NBPF20: variants seen among roughly 807,000 people sequenced by gnomAD.
NBPF20 encodes NBPF member 20.
A neutral mutation model predicts 68.1 loss-of-function variants in NBPF20; 90 were observed. That is an observed-to-expected ratio of 1.32 (90% CI 1.11 to 1.58). NBPF20 has a LOEUF of 1.58. Among genes scored for constraint, NBPF20 ranks in the 40% most tolerant of loss-of-function variants. The pLI is 0.00. For missense variants in NBPF20, 816 were observed against 601.2 expected (o/e 1.36, Z -3.74); for synonymous variants, 290 against 228.1 (o/e 1.27, Z -2.45).
At position 145,298,379 on chromosome 1, in the gene NBPF20, C is replaced by T. The variant is rs1359404785; in HGVS notation, c.15684-245G>A. 9.6e-4 allele frequency among the ~76,000 whole-genome samples: 131 copies of T among 135,812 alleles called. 1 individual carries two copies. The highest frequency in any genetic ancestry group is 4.1e-3 in the African/African-American group (117 of 28,280). 89.1% of individuals were successfully genotyped at this position (135,812 alleles called of 152,430 possible). On this transcript the variant is annotated intron_variant, in intron 129 of 137. Coordinates refer to ENST00000369373, the Ensembl canonical transcript of NBPF20. ...ACAGACACACACACACAGACACACA[C>T]ACACACACAGAGAGAGAGAACGAGC...
upstream of NBPF20, among the ~76,000 whole-genome samples, chr1:145,406,170 C>T (rs587691281): frequency 6.7e-6 from 1 of 148,700 alleles, no homozygotes; most frequent in East Asian, 2.0e-4. Context: ...CTCCTGACCT[C>T]GTGATCTGCC....
At chr1:145,409,946 C>G (rs1413058439), upstream of NBPF20, among the ~76,000 whole-genome samples, 6 of 151,922 alleles carry the variant, frequency 3.9e-5, no homozygotes, top group Non-Finnish European at 8.8e-5. Context: ...CCCAGTTCAT[C>G]TGTGTCTCGT....
chr1:145,291,460 T>A, exon 138 of NBPF20: 2 of 1,611,896 alleles, frequency 1.2e-6, no homozygotes, highest in Non-Finnish European at 1.7e-6. Context: ...GTACTTTCAT[T>A]CAAATCTTCA....
upstream of NBPF20, among the ~76,000 whole-genome samples, chr1:145,410,400 C>T (rs1173265838): frequency 6.7e-6 from 1 of 150,052 alleles, no homozygotes; most frequent in African/African-American, 2.4e-5. Context: ...CTGCAAGCTC[C>T]GCCTCCCGGG....
the NBPF20 span, among the ~76,000 whole-genome samples, chr1:145,411,373 T>A: frequency 6.7e-6 from 1 of 150,118 alleles, no homozygotes; most frequent in Non-Finnish European, 1.5e-5. Flanking sequence ...CTTACATAAA[T>A]TTTGTTGACT....
At chr1:145,377,681 T>C (rs1298245813) in intron 29 of NBPF20, among the ~76,000 whole-genome samples, 2 of 130,378 alleles carry the variant, frequency 1.5e-5, no homozygotes, top group African/African-American at 2.8e-5. Context: ...GCTCAGCGAG[T>C]TGGCCGGGTG....
chr1:145,411,410 G>C, the NBPF20 span, among the ~76,000 whole-genome samples: 1 of 22,872 alleles, frequency 4.4e-5, no homozygotes, highest in Non-Finnish European at 9.2e-5. Context: ...TTTTTTTTTT[G>C]AGACAGAGTC....
chr1:145,407,492 A>G (rs1451808276), upstream of NBPF20, among the ~76,000 whole-genome samples: 3 of 146,138 alleles, frequency 2.1e-5, no homozygotes, highest in Admixed American at 2.1e-4. Flanking sequence ...AAACACATGA[A>G]TATATATAAT....
the NBPF20 span, among the ~76,000 whole-genome samples, chr1:145,414,099 C>CA: frequency 2.2e-4 from 24 of 109,890 alleles, no homozygotes; most frequent in African/African-American, 8.4e-4. Context: ...GGTCCCCAAA[C>CA]ATGCCACACC....
chr1:145,410,305 T>C (rs1461399023), upstream of NBPF20, among the ~76,000 whole-genome samples: 2 of 151,792 alleles, frequency 1.3e-5, no homozygotes, highest in African/African-American at 4.8e-5. Flanking sequence ...TAATTGACCA[T>C]TCATGTATCT....
chr1:145,403,613 G>T (rs1553666077), intron 2 of NBPF20, among the ~76,000 whole-genome samples: 1 of 152,208 alleles, frequency 6.6e-6, no homozygotes, highest in Non-Finnish European at 1.5e-5. Flanking sequence ...GACTCTGAAT[G>T]CGGGGCCACT....
At chr1:145,404,702 C>T (rs1440879516) in intron 2 of NBPF20, among the ~76,000 whole-genome samples, 2 of 152,144 alleles carry the variant, frequency 1.3e-5, no homozygotes, top group Non-Finnish European at 2.9e-5. Context: ...GCCTGTTGGG[C>T]CTCAACAGAA....
At chr1:145,393,383 G>C (rs1273797057) in intron 9 of NBPF20, 137 bp from the exon 15 acceptor site, 1 of 713,672 alleles carries the variant, frequency 1.4e-6, no homozygotes, top group Non-Finnish European at 2.6e-6. Context: ...AGAAATTATT[G>C]CCTTTATGTT....
Position 145,292,454 on chromosome 1 carries a change from C to A in NBPF20, c.16624G>T (p.Gly5542Ter), listed in dbSNP as rs782008133. 1.1e-5 allele frequency: 8 copies of A among 715,848 alleles called. No individual in the cohort carries two copies. Among genetic ancestry groups the A allele is most frequent in the South Asian group, 5.8e-5 (4 of 68,954 alleles). 44.3% of individuals were successfully genotyped at this position (715,848 alleles called of 1,614,324 possible). A position where few individuals can be genotyped will look rare whatever the true frequency, so the allele number is the denominator to read the frequency against. Residue 5542 changes from glycine (G) to a stop codon, truncating the protein, a stop_gained, in exon 137 of 138, where the codon GGA (glycine) becomes TGA (stop). Transcript: ENST00000369373. LOFTEE classifies it high-confidence loss of function. ...CTTCTTTTCTTCTTTGATCTTCTTC[C>A]CCTTCTTTTCTTCCCCTTCCCCTTC...
chr1:145,342,784 C>A (rs1184503492), intron 73 of NBPF20, among the ~76,000 whole-genome samples: 1 of 116,446 alleles, frequency 8.6e-6, no homozygotes, highest in African/African-American at 3.6e-5. Flanking sequence ...CACACACACA[C>A]ACACACACAC....
intron 113 of NBPF20, among the ~76,000 whole-genome samples, chr1:145,311,070 G>C (rs1221525180): frequency 2.4e-5 from 2 of 83,452 alleles, no homozygotes; most frequent in Non-Finnish European, 4.4e-5. Flanking sequence ...AGTAAGCTCA[G>C]CGAGTTGGCC....
the NBPF20 span, among the ~76,000 whole-genome samples, chr1:145,410,803 T>A: frequency 1.3e-5 from 1 of 76,384 alleles, no homozygotes; most frequent in South Asian, 3.7e-4. Flanking sequence ...TATACGTATA[T>A]GTATATATAT....
chr1:145,394,059 A>G (rs1254766978), intron 8 of NBPF20, 124 bp from the exon 14 acceptor site: 2 of 723,590 alleles, frequency 2.8e-6, no homozygotes, highest in East Asian at 4.9e-5. Flanking sequence ...GGAGACTTTG[A>G]GAGAAATATT....
the NBPF20 span, among the ~76,000 whole-genome samples, chr1:145,411,529 T>C: frequency 1.0e-5 from 1 of 95,310 alleles, no homozygotes; most frequent in Non-Finnish European, 2.1e-5. Context: ...GTAGCTGGAC[T>C]ACAGGCACAT....
Sources: allele counts gnomAD v4.1 joint callset (sites outside exome capture counted in the v4.1 genomes callset), GRCh38; gene constraint gnomAD v4.1.1; transcripts MANE v1.5; gene names NCBI Gene and HGNC (gene_info 2026-07-23, HGNC 2026-07-21).